The following CCNE2 variants were observed in gnomAD, a reference collection of about 807,000 sequenced individuals.
CCNE2 encodes G1/S-specific cyclin-E2.
CCNE2 carries 18 observed loss-of-function variants against 56.8 expected under a neutral mutation model. The ratio of observed to expected loss-of-function variants is 0.32; its 90% confidence interval spans 0.22 to 0.47. The LOEUF (loss-of-function observed/expected upper bound fraction) is 0.47, where lower values mean the gene tolerates loss of function less well. Ranked by LOEUF, CCNE2 falls within the 20% of genes least tolerant of loss-of-function variation. The pLI, the probability that CCNE2 is intolerant of heterozygous loss-of-function variation, is 1.00. For missense variants in CCNE2, 371 were observed against 467.1 expected (o/e 0.79, Z 1.90); for synonymous variants, 139 against 149.2 (o/e 0.93, Z 0.50).
Position 94,880,914 on chromosome 8 carries a change from G to A in CCNE2, c.*718C>T. The A allele has an allele frequency of 5.0e-6, 2 of 398,724 alleles. No homozygotes were observed. Among genetic ancestry groups the A allele is most frequent in the Admixed American group, 4.4e-5 (1 of 22,732 alleles). The allele number at this position is 398,724 out of a possible 1,614,324, so 24.7% of individuals were successfully genotyped here. A position where few individuals can be genotyped will look rare whatever the true frequency, so the allele number is the denominator to read the frequency against. ...CTACATGTCAAGAAAGCCCCAGTTA[G>A]GAAGGAGCCACAGCATTTATCTTGT... is the stretch of plus-strand genomic sequence containing the variant. On this transcript the variant is annotated 3_prime_UTR_variant, in exon 12 of 12. Coordinates refer to ENST00000308108, the MANE Select transcript of CCNE2 (RefSeq NM_057749.3).
At position 94,895,174 on chromosome 8, in the gene CCNE2, C is replaced by T. The variant is rs1817443068; in HGVS notation, c.-27+3G>A. 1 of 985,826 alleles carries T rather than the reference C, an allele frequency of 1.0e-6. No individual in the cohort carries two copies. The highest frequency in any genetic ancestry group is 6.1e-5 in the Admixed American group (1 of 16,280). 61.1% of individuals were successfully genotyped at this position (985,826 alleles called of 1,614,324 possible). A position where few individuals can be genotyped will look rare whatever the true frequency, so the allele number is the denominator to read the frequency against. On this transcript the variant is annotated splice_donor_region_variant and intron_variant, in intron 1 of 11. Transcript: ENST00000308108. ...ATCCCCCCTACGCGCAGCAACTCCT[C>T]ACCGCCAGACCAGCTACCGCTCGGC... is the stretch of plus-strand genomic sequence containing the variant.
chr8:94,883,200 C>T (rs1398399631), intron 9 of CCNE2, among the ~76,000 whole-genome samples: 8 of 151,428 alleles, frequency 5.3e-5, no homozygotes, highest in African/African-American at 1.5e-4. Context: ...GGCGTGAACC[C>T]GGGATGCAGA....
intron 9 of CCNE2, among the ~76,000 whole-genome samples, chr8:94,884,445 C>T (rs1274714608): frequency 6.6e-6 from 1 of 151,662 alleles, no homozygotes; most frequent in Non-Finnish European, 1.5e-5. Context: ...CTCCCAGGTT[C>T]CAGCGATTCT....
Position 94,890,424 on chromosome 8 carries a change from C to A in CCNE2, c.444G>T (p.Trp148Cys). Residue 148 changes from tryptophan (W) to cysteine (C), a missense_variant, in exon 6 of 12, where the codon TGG becomes TGT. By Grantham distance (215) the Trp-to-Cys change is radical. Coordinates refer to ENST00000308108, the MANE Select transcript of CCNE2 (RefSeq NM_057749.3). ...TATTGCTGTAACATACCTCTAAAAGCCAGTCTAGAAGTATGGACCTCATCT... is the reference window on the plus strand; with the variant it reads ...TATTGCTGTAACATACCTCTAAAAGACAGTCTAGAAGTATGGACCTCATCT... ...EPQMRSILLDWLLEVCEVYTL... is the reference protein window; with the variant it reads ...EPQMRSILLDCLLEVCEVYTL... 1 of 1,576,494 alleles carries A rather than the reference C, an allele frequency of 6.3e-7. No homozygotes were observed.
intron 5 of CCNE2, 36 bp from the exon 6 acceptor site, chr8:94,890,586 T>TAC (rs760841527): frequency 1.7e-6 from 1 of 577,568 alleles, no homozygotes; most frequent in South Asian, 8.0e-5. Context: ...TATATATATA[T>TAC]ATATATTTTT....
chr8:94,896,406 AG>A (rs1444494018), upstream of CCNE2: 1 of 151,962 alleles, frequency 6.6e-6, no homozygotes, highest in Non-Finnish European at 1.5e-5. Flanking sequence ...GTTTAAACTT[AG>A]GGGTCCCTTC....
chr8:94,890,555 G>A lies in CCNE2; in HGVS notation c.318-5C>T, dbSNP rs1182539663. ...ACTTCTTTTGAACATCCCCAGCTATGGAAAGAGAGGAAAAAAACCATATAT... is the reference window on the plus strand; with the variant it reads ...ACTTCTTTTGAACATCCCCAGCTATAGAAAGAGAGGAAAAAAACCATATAT... On this transcript the variant is annotated splice_polypyrimidine_tract_variant and splice_region_variant and intron_variant, in intron 5 of 11. Transcript: ENST00000308108. The A allele has an allele frequency of 3.6e-6, 5 of 1,401,390 alleles. 1 individual carries two copies. The South Asian group carries it at 5.6e-5, about 16-fold the overall frequency. The allele number at this position is 1,401,390 out of a possible 1,614,324, so 86.8% of individuals were successfully genotyped here. A position where few individuals can be genotyped will look rare whatever the true frequency, so the allele number is the denominator to read the frequency against.
chr8:94,888,636 T>C (rs898747770), intron 6 of CCNE2, among the ~76,000 whole-genome samples: 1 of 151,362 alleles, frequency 6.6e-6, no homozygotes, highest in African/African-American at 2.4e-5. Flanking sequence ...GCGATTCTCC[T>C]ACCTCAGCCT....
chr8:94,891,659 CAAAAAAAA>C, intron 5 of CCNE2: 5 of 259,778 alleles, frequency 1.9e-5, no homozygotes, highest in African/African-American at 4.9e-5. Context: ...CCTCTGTCTC[CAAAAAAAA>C]AAAAAAAAAA....
At chr8:94,883,784 G>A (rs757304068) in intron 9 of CCNE2, 61 of 385,634 alleles carry the variant, frequency 1.6e-4, no homozygotes, top group South Asian at 4.7e-4. Context: ...GGCAATAAGA[G>A]CTGAACTAGT....
chr8:94,886,244 G>A (rs1210864355), intron 7 of CCNE2, among the ~76,000 whole-genome samples: 1 of 151,752 alleles, frequency 6.6e-6, no homozygotes. Context: ...TCAAAACAAA[G>A]GAAGATATTT....
chr8:94,883,287 AAAC>A (rs543182794), intron 9 of CCNE2, among the ~76,000 whole-genome samples: 38 of 152,022 alleles, frequency 2.5e-4, no homozygotes, highest in South Asian at 8.3e-4. Flanking sequence ...AAAAAAAAAA[AAAC>A]AAGCCACCAA....
Position 94,891,495 on chromosome 8 carries a change from C to A in CCNE2, c.318-945G>T, listed in dbSNP as rs559611375. The A allele has an allele frequency of 1.4e-5, 4 of 291,078 alleles. No individual in the cohort carries two copies. The East Asian group carries it at 3.1e-4, about 23-fold the overall frequency. 18.0% of individuals were successfully genotyped at this position (291,078 alleles called of 1,614,324 possible). ...CCAACATGGTGAAACCCCGTCTCCA[C>A]TAAAAATACAAAAAATTAGCTGGGC... On this transcript the variant is annotated intron_variant, in intron 5 of 11. Transcript: ENST00000308108.
chr8:94,894,605 T>G, intron 1 of CCNE2: 2 of 223,240 alleles, frequency 9.0e-6, no homozygotes, highest in African/African-American at 2.3e-5. Context: ...ACGTCCCGCC[T>G]CCCTCCTGGA....
Position 94,881,130 on chromosome 8 carries a change from T to C in CCNE2, c.*502A>G. ...GCAGCTATAGATAAATTAGTCACCT[T>C]ATTACAAAACTAAACCTTTGTAAAC... is the stretch of plus-strand genomic sequence containing the variant. On this transcript the variant is annotated 3_prime_UTR_variant, in exon 12 of 12. Coordinates refer to ENST00000308108, the MANE Select transcript of CCNE2 (RefSeq NM_057749.3). 1 of 396,032 alleles carries C rather than the reference T, an allele frequency of 2.5e-6. No individual in the cohort carries two copies. Among genetic ancestry groups the C allele is most frequent in the Non-Finnish European group, 4.5e-6 (1 of 224,660 alleles). The allele number at this position is 396,032 out of a possible 1,614,324, so 24.5% of individuals were successfully genotyped here.
At position 94,895,025 on chromosome 8, in the gene CCNE2, G is replaced by A. The variant is rs899970207; in HGVS notation, c.-27+152C>T. On this transcript the variant is annotated intron_variant, in intron 1 of 11. Transcript: ENST00000308108. ...TTCCCGGTCCCCTGCCAAGGTTCCT[G>A]ACAGGGACGGAACGCGGGAACCCAT... 3.3e-5 allele frequency among the ~76,000 whole-genome samples: 5 copies of A among 152,184 alleles called. No homozygotes were observed. In the East Asian group the frequency reaches 9.7e-4, roughly 29 times the overall value.
chr8:94,881,088 T>C lies in CCNE2; in HGVS notation c.*544A>G, dbSNP rs2131091999. The C allele has an allele frequency of 2.5e-6, 1 of 397,476 alleles. No homozygotes were observed. The highest frequency in any genetic ancestry group is 3.6e-5 in the East Asian group (1 of 27,960). 24.6% of individuals were successfully genotyped at this position (397,476 alleles called of 1,614,324 possible). Reference sequence around the variant, plus strand: ...TCACCATTTGTAGAAATTCAAGTTTTATAATAGCTTGCTATAGCAGCTATA... The same window carrying C: ...TCACCATTTGTAGAAATTCAAGTTTCATAATAGCTTGCTATAGCAGCTATA... On this transcript the variant is annotated 3_prime_UTR_variant, in exon 12 of 12. Coordinates refer to ENST00000308108, the MANE Select transcript of CCNE2 (RefSeq NM_057749.3).
chr8:94,880,929 A>G lies in CCNE2; in HGVS notation c.*703T>C. 1 of 398,792 alleles carries G rather than the reference A, an allele frequency of 2.5e-6. No homozygotes were observed. Among genetic ancestry groups the G allele is most frequent in the Middle Eastern group, 6.3e-4 (1 of 1,584 alleles). The allele number at this position is 398,792 out of a possible 1,614,324, so 24.7% of individuals were successfully genotyped here. A position where few individuals can be genotyped will look rare whatever the true frequency, so the allele number is the denominator to read the frequency against. On this transcript the variant is annotated 3_prime_UTR_variant, in exon 12 of 12. Coordinates refer to ENST00000308108, the MANE Select transcript of CCNE2 (RefSeq NM_057749.3). Reference sequence around the variant, plus strand: ...GCCCCAGTTAGGAAGGAGCCACAGCATTTATCTTGTTTATAATTTCTTTGG... The same window carrying G: ...GCCCCAGTTAGGAAGGAGCCACAGCGTTTATCTTGTTTATAATTTCTTTGG...
intron 5 of CCNE2, chr8:94,892,197 C>T: frequency 2.4e-6 from 1 of 417,430 alleles, no homozygotes; most frequent in South Asian, 1.9e-5. Flanking sequence ...GGCATGTGAT[C>T]ACAGTCAAGA....
Sources: gnomAD v4.1 joint callset for allele counts (sites outside exome capture counted in the v4.1 genomes callset) on GRCh38, gnomAD v4.1.1 for gene constraint, MANE v1.5 for transcripts, NCBI Gene and HGNC (gene_info 2026-07-23, HGNC 2026-07-21) for gene names.